The following PDLIM5 variants were observed in gnomAD, a reference collection of about 807,000 sequenced individuals.
PDLIM5 encodes the protein PDZ and LIM domain protein 5.
In PDLIM5, 34 loss-of-function variants were observed where a neutral mutation model predicts 64.2. The observed-to-expected ratio is 0.53, with a 90% CI of 0.40 to 0.71. PDLIM5 has a LOEUF of 0.71. PDLIM5 is among the 30% of genes least tolerant of loss of function. The probability of loss-of-function intolerance (pLI) is 0.00; values close to 1 mark genes in which losing one functional copy is unlikely to be tolerated. For synonymous variants in PDLIM5, 253 were observed against 269.1 expected, an observed-to-expected ratio of 0.94 and a Z score of 0.59; for missense variants, 683 against 733.6, an observed-to-expected ratio of 0.93 and a Z score of 0.80.
At chr4:94,655,212 CA>C (rs963186588) in intron 10 of PDLIM5, among the ~76,000 whole-genome samples, 1 of 150,468 alleles carries the variant, frequency 6.6e-6, no homozygotes, top group Non-Finnish European at 1.5e-5. Flanking sequence ...TCCTTTTTTG[CA>C]AAAAAAGGAG....
Position 94,618,109 on chromosome 4 carries a change from C to T in PDLIM5, c.1026C>T (p.Ser342=). The change falls in exon 8 of 13, where the codon AGC becomes AGT. Residue 342 remains serine, a synonymous_variant. Coordinates refer to ENST00000317968, the MANE Select transcript of PDLIM5 (RefSeq NM_006457.5). ...CCTCTGGCAGACCAGGGGTTACCAG[C>T]CTCACAGCTGCAGCTGCCTTCAAGC... ...SPTSGRPGVT[S]LTAAAAFKPV... The T allele has an allele frequency of 6.2e-7, 1 of 1,612,228 alleles. No individual in the cohort carries two copies. Among genetic ancestry groups the T allele is most frequent in the Non-Finnish European group, 8.5e-7 (1 of 1,179,040 alleles).
intron 2 of PDLIM5, among the ~76,000 whole-genome samples, chr4:94,474,337 G>A (rs1328727316): frequency 2.0e-5 from 3 of 152,058 alleles, no homozygotes; most frequent in South Asian, 2.1e-4. Flanking sequence ...TGCTACCTCC[G>A]CCTCCTGGGT....
intron 3 of PDLIM5, among the ~76,000 whole-genome samples, chr4:94,541,993 T>C (rs1252489632): frequency 6.6e-6 from 1 of 152,078 alleles, no homozygotes; most frequent in Non-Finnish European, 1.5e-5. Flanking sequence ...AAAAAGTGAA[T>C]GGAGTCGGGG....
intron 3 of PDLIM5, among the ~76,000 whole-genome samples, chr4:94,540,098 A>G (rs1040399102): frequency 6.6e-6 from 1 of 151,826 alleles, no homozygotes; most frequent in Non-Finnish European, 1.5e-5. Flanking sequence ...TAATCCTTTC[A>G]AGAACTCTGT....
chr4:94,590,301 A>T (rs904016645), intron 7 of PDLIM5, among the ~76,000 whole-genome samples: 5 of 152,106 alleles, frequency 3.3e-5, no homozygotes. Flanking sequence ...TTTTTTCAAA[A>T]TTATTCAAAA....
intron 9 of PDLIM5, among the ~76,000 whole-genome samples, chr4:94,651,010 T>C (rs1408752953): frequency 6.6e-6 from 1 of 152,210 alleles, no homozygotes; most frequent in African/African-American, 2.4e-5. Context: ...AATTCCACTC[T>C]GCAGTTATCT....
chr4:94,520,190 G>A lies in PDLIM5; in HGVS notation c.97-3534G>A, dbSNP rs185500246. On this transcript the variant is annotated intron_variant, in intron 2 of 12. Coordinates refer to ENST00000317968, the MANE Select transcript of PDLIM5 (RefSeq NM_006457.5). ...ACCACAAAGTAATGTTTTTGAAGAAGCACTCAGCTACAATTAAAGTCTGTG... is the reference window on the plus strand; with the variant it reads ...ACCACAAAGTAATGTTTTTGAAGAAACACTCAGCTACAATTAAAGTCTGTG... Among the ~76,000 whole-genome samples, 9 of 152,286 alleles carry A rather than the reference G, an allele frequency of 5.9e-5. No homozygotes were observed. In the East Asian group the frequency reaches 1.7e-3, roughly 29 times the overall value.
At chr4:94,452,648 G>C (rs1722960316) in intron 1 of PDLIM5, among the ~76,000 whole-genome samples, 1 of 152,236 alleles carries the variant, frequency 6.6e-6, no homozygotes, top group Non-Finnish European at 1.5e-5. Context: ...GTAAGACTGT[G>C]CCTTCGGTGC....
At chr4:94,587,297 AAT>A (rs1736310214) in intron 7 of PDLIM5, 4 of 1,324,654 alleles carry the variant, frequency 3.0e-6, no homozygotes, top group African/African-American at 3.1e-5. Flanking sequence ...AAAAAAAAAA[AAT>A]AGAAAATTAA....
intron 2 of PDLIM5, among the ~76,000 whole-genome samples, chr4:94,477,711 T>C (rs1285414863): frequency 6.6e-6 from 1 of 152,162 alleles, no homozygotes; most frequent in East Asian, 1.9e-4. Flanking sequence ...TCCATTTATA[T>C]GGTGATTTTT....
Position 94,635,519 on chromosome 4 carries a change from G to A in PDLIM5, c.1109-4757G>A, listed in dbSNP as rs137885536. Reference sequence around the variant, plus strand: ...TCATCCTTAAGCTATCTCTAAAGAGGTGTATTTTTCTTTCTACATAGAAGT... The same window carrying A: ...TCATCCTTAAGCTATCTCTAAAGAGATGTATTTTTCTTTCTACATAGAAGT... On this transcript the variant is annotated intron_variant, in intron 8 of 12. Transcript: ENST00000317968. Among the ~76,000 whole-genome samples, 617 of 152,298 alleles carry A rather than the reference G, an allele frequency of 4.1e-3. 4 individuals carry two copies. The highest frequency in any genetic ancestry group is 0.014 in the African/African-American group (585 of 41,556).
At chr4:94,493,006 G>A (rs1158453393) in intron 2 of PDLIM5, among the ~76,000 whole-genome samples, 2 of 152,120 alleles carry the variant, frequency 1.3e-5, no homozygotes, top group African/African-American at 4.8e-5. Flanking sequence ...TATGAGGGCT[G>A]CACTTTCTCC....
At chr4:94,531,964 G>A (rs1730912966) in intron 3 of PDLIM5, among the ~76,000 whole-genome samples, 2 of 151,750 alleles carry the variant, frequency 1.3e-5, no homozygotes, top group Non-Finnish European at 2.9e-5. Flanking sequence ...AGGTTAATGG[G>A]CCACTAGATA....
chr4:94,584,926 C>T, intron 5 of PDLIM5: 5 of 1,097,834 alleles, frequency 4.6e-6, no homozygotes, highest in Non-Finnish European at 6.8e-6. Context: ...TATCATTTTC[C>T]TTTCCTTTTT....
At position 94,479,243 on chromosome 4, in the gene PDLIM5, CT is replaced by C. The variant is rs753306742; in HGVS notation, c.96+23870del. On this transcript the variant is annotated intron_variant, in intron 2 of 12. Transcript: ENST00000317968. ...ACACACCAAAACCACCATTTCAGTACTTTTTTTTTTTCTTGCTCTATTTATT... is the reference window on the plus strand; with the variant it reads ...ACACACCAAAACCACCATTTCAGTACTTTTTTTTTTCTTGCTCTATTTATT... Among the ~76,000 whole-genome samples the C allele has an allele frequency of 2.9e-3, 411 of 142,394 alleles. 1 individual carries two copies. Among genetic ancestry groups the C allele is most frequent in the African/African-American group, 9.2e-3 (356 of 38,834 alleles). The allele number at this position is 142,394 out of a possible 152,430, so 93.4% of individuals were successfully genotyped here.
At chr4:94,473,899 G>T (rs1233017185) in intron 2 of PDLIM5, among the ~76,000 whole-genome samples, 8 of 152,154 alleles carry the variant, frequency 5.3e-5, no homozygotes, top group Admixed American at 5.2e-4. Flanking sequence ...TAAATACATA[G>T]TTCAGTGATA....
chr4:94,640,450 G>A lies in PDLIM5; in HGVS notation c.1283G>A (p.Arg428Lys). 6.4e-7 allele frequency: 1 copy of A among 1,553,610 alleles called. No homozygotes were observed. The highest frequency in any genetic ancestry group is 8.7e-7 in the Non-Finnish European group (1 of 1,151,810). ...TGCGCCCATTGTAACCAGGTCATCA[G>A]GTTGGTTGTTTTTTGAAATTTTCTT... ...PMCAHCNQVI[R>K]GPFLVALGKS... is the part of the protein sequence containing the mutation. The change falls in exon 9 of 13, where the codon AGA (arginine) becomes AAA (lysine). Residue 428 changes from arginine (R) to lysine (K), a missense_variant and splice_region_variant. Coordinates refer to ENST00000317968, the MANE Select transcript of PDLIM5 (RefSeq NM_006457.5).
intron 8 of PDLIM5, among the ~76,000 whole-genome samples, chr4:94,622,118 A>G (rs568073861): frequency 6.6e-6 from 1 of 152,342 alleles, no homozygotes; most frequent in African/African-American, 2.4e-5. Context: ...CTTCTGCCCT[A>G]CACAATGGTA....
At chr4:94,536,105 T>C (rs923789592) in intron 3 of PDLIM5, among the ~76,000 whole-genome samples, 8 of 152,130 alleles carry the variant, frequency 5.3e-5, no homozygotes, top group African/African-American at 1.7e-4. Flanking sequence ...GCCTCAGGTA[T>C]AGCTTTATAT....
Sources: gnomAD v4.1 joint callset for allele counts (sites outside exome capture counted in the v4.1 genomes callset) on GRCh38, gnomAD v4.1.1 for gene constraint, MANE v1.5 for transcripts, NCBI Gene and HGNC (gene_info 2026-07-23, HGNC 2026-07-21) for gene names.